CPQ: variants seen among roughly 807,000 people sequenced by gnomAD.
CPQ encodes the protein carboxypeptidase Q.
A neutral mutation model predicts 45.7 loss-of-function variants in CPQ; 37 were observed. That is an observed-to-expected ratio of 0.81 (90% CI 0.62 to 1.07). The LOEUF is 1.07. CPQ is among the 50% of genes least tolerant of loss of function. The pLI is 0.00. For synonymous variants in CPQ, 186 were observed against 205.8 expected (o/e 0.90, Z 0.82); for missense variants, 537 against 572.9 (o/e 0.94, Z 0.64).
chr8:96,875,141 G>A (rs1229924897), intron 3 of CPQ, among the ~76,000 whole-genome samples: 1 of 151,804 alleles, frequency 6.6e-6, no homozygotes, highest in Non-Finnish European at 1.5e-5. Flanking sequence ...TTGGAGAAAT[G>A]TCTATTCAAA....
At chr8:96,708,649 T>C (rs568325838) in intron 1 of CPQ, among the ~76,000 whole-genome samples, 1 of 152,158 alleles carries the variant, frequency 6.6e-6, no homozygotes, top group Admixed American at 6.6e-5. Flanking sequence ...ATTAGTTTCC[T>C]GTGAAGGATA....
intron 1 of CPQ, among the ~76,000 whole-genome samples, chr8:96,767,742 C>A (rs898684546): frequency 4.3e-5 from 6 of 138,656 alleles, no homozygotes; most frequent in African/African-American, 1.3e-4. Context: ...TTCCCAGATT[C>A]AAGCGATTCT....
At chr8:96,799,094 G>A (rs1242248578) in intron 2 of CPQ, among the ~76,000 whole-genome samples, 1 of 152,184 alleles carries the variant, frequency 6.6e-6, no homozygotes, top group African/African-American at 2.4e-5. Context: ...CAAATAACAA[G>A]AAATTTTGGT....
At chr8:96,828,005 T>A (rs1811400902) in intron 2 of CPQ, among the ~76,000 whole-genome samples, 1 of 152,078 alleles carries the variant, frequency 6.6e-6, no homozygotes, top group African/African-American at 2.4e-5. Context: ...TAAATTTCAG[T>A]TTATATAAAA....
Position 96,890,049 on chromosome 8 carries a change from C to T in CPQ, c.849+10044C>T, listed in dbSNP as rs568237284. Reference sequence around the variant, plus strand: ...TGAACCCATACACATCTCCTGAAATCGTATATAATCTCCAAATAAAGACAA... The same window carrying T: ...TGAACCCATACACATCTCCTGAAATTGTATATAATCTCCAAATAAAGACAA... On this transcript the variant is annotated intron_variant, in intron 4 of 7. Coordinates refer to ENST00000220763, the MANE Select transcript of CPQ (RefSeq NM_016134.4). 8.5e-5 allele frequency among the ~76,000 whole-genome samples: 13 copies of T among 152,266 alleles called. No individual in the cohort carries two copies. The South Asian group carries it at 2.5e-3, about 29-fold the overall frequency.
intron 2 of CPQ, among the ~76,000 whole-genome samples, chr8:96,805,282 T>C (rs1258722827): frequency 6.6e-6 from 1 of 152,248 alleles, no homozygotes; most frequent in Admixed American, 6.5e-5. Context: ...TCTGGTTTTT[T>C]TCCCTATGCA....
chr8:97,036,180 C>T (rs905582384), intron 6 of CPQ, among the ~76,000 whole-genome samples: 1 of 152,056 alleles, frequency 6.6e-6, no homozygotes, highest in Non-Finnish European at 1.5e-5. Context: ...CTCATAACCA[C>T]GGCCGACTCC....
At chr8:96,952,135 G>A (rs1022209161) in intron 4 of CPQ, among the ~76,000 whole-genome samples, 1 of 152,014 alleles carries the variant, frequency 6.6e-6, no homozygotes, top group Admixed American at 6.6e-5. Flanking sequence ...GCAAAAACTG[G>A]CAGATTAATT....
intron 1 of CPQ, among the ~76,000 whole-genome samples, chr8:96,702,638 A>C (rs116717169): frequency 0.012 from 1,818 of 152,286 alleles, 47 homozygotes; most frequent in African/African-American, 0.04. Flanking sequence ...TACTATGTTT[A>C]TTTCAAGATG....
At chr8:96,669,676 G>T (rs983461970) in intron 1 of CPQ, among the ~76,000 whole-genome samples, 1 of 152,122 alleles carries the variant, frequency 6.6e-6, no homozygotes, top group Non-Finnish European at 1.5e-5. Context: ...TGTTAATGGC[G>T]TAAATGTAAC....
intron 1 of CPQ, among the ~76,000 whole-genome samples, chr8:96,722,436 A>G (rs898540523): frequency 6.6e-6 from 1 of 151,732 alleles, no homozygotes; most frequent in Non-Finnish European, 1.5e-5. Flanking sequence ...TTTTTCACAT[A>G]TTATCTATCT....
intron 5 of CPQ, among the ~76,000 whole-genome samples, chr8:97,008,273 AATCAAGCCAAG>A (rs1440156023): frequency 6.6e-6 from 1 of 152,246 alleles, no homozygotes; most frequent in Non-Finnish European, 1.5e-5. Flanking sequence ...CATGGTGGTG[AATCAAGCCAAG>A]GAGAGCTGGG....
chr8:96,849,685 T>C (rs982680906), intron 3 of CPQ, among the ~76,000 whole-genome samples: 3 of 152,202 alleles, frequency 2.0e-5, no homozygotes, highest in Non-Finnish European at 4.4e-5. Context: ...GCAGCCCTTC[T>C]AGTGAGACAT....
chr8:96,961,976 A>G (rs1028333134), intron 4 of CPQ, among the ~76,000 whole-genome samples: 6 of 152,178 alleles, frequency 3.9e-5, no homozygotes, highest in African/African-American at 1.4e-4. Context: ...CACCAGTAAC[A>G]GAGGGGCTTG....
intron 4 of CPQ, among the ~76,000 whole-genome samples, chr8:96,948,496 C>A (rs1813218526): frequency 6.6e-6 from 1 of 151,938 alleles, no homozygotes; most frequent in Admixed American, 6.6e-5. Context: ...CCATTGTGGT[C>A]AGAAAAAATA....
chr8:97,118,607 G>A (rs1050368869), intron 7 of CPQ, among the ~76,000 whole-genome samples: 2 of 152,180 alleles, frequency 1.3e-5, no homozygotes, highest in African/African-American at 4.8e-5. Flanking sequence ...AATGTAGGAA[G>A]CATGTACAAA....
chr8:96,691,085 T>C (rs144396691), intron 1 of CPQ, among the ~76,000 whole-genome samples: 10 of 152,300 alleles, frequency 6.6e-5, no homozygotes, highest in African/African-American at 2.4e-4. Context: ...ACCAGTGGCT[T>C]AAAAGAACAG....
At chr8:97,019,039 A>C (rs965845329) in intron 5 of CPQ, among the ~76,000 whole-genome samples, 1 of 152,260 alleles carries the variant, frequency 6.6e-6, no homozygotes, top group African/African-American at 2.4e-5. Flanking sequence ...ATTTCTGAGC[A>C]GAAACCCTGC....
intron 4 of CPQ, among the ~76,000 whole-genome samples, chr8:96,956,716 A>G (rs1365654337): frequency 2.0e-5 from 3 of 152,208 alleles, no homozygotes; most frequent in African/African-American, 4.8e-5. Flanking sequence ...GGGAATGGGG[A>G]TAATAGTATT....
Sources: allele counts gnomAD v4.1 joint callset (sites outside exome capture counted in the v4.1 genomes callset), GRCh38; gene constraint gnomAD v4.1.1; transcripts MANE v1.5; gene names NCBI Gene and HGNC (gene_info 2026-07-23, HGNC 2026-07-21).